The following BACH2 variants were observed in gnomAD, a reference collection of about 807,000 sequenced individuals.
BACH2 encodes BACH transcriptional regulator 2.
Under a neutral mutation model 61.8 loss-of-function variants are expected in BACH2, and 5 were observed. The observed-to-expected ratio is 0.08, with a 90% CI of 0.04 to 0.17. The LOEUF (loss-of-function observed/expected upper bound fraction) is 0.17. Ranked by LOEUF, BACH2 falls within the 10% of genes least tolerant of loss-of-function variation. The pLI is 1.00. For synonymous variants in BACH2, 446 were observed against 440.1 expected (o/e 1.01, Z -0.17); for missense variants, 824 against 1,091.1 (o/e 0.76, Z 3.45).
chr6:90,193,080 C>T (rs1447050197), intron 4 of BACH2, among the ~76,000 whole-genome samples: 2 of 152,228 alleles, frequency 1.3e-5, no homozygotes, highest in African/African-American at 4.8e-5. Context: ...AGCCACGTGA[C>T]TAGTGCTCAA....
chr6:90,091,856 C>T (rs1782173433), intron 4 of BACH2, among the ~76,000 whole-genome samples: 1 of 152,028 alleles, frequency 6.6e-6, no homozygotes, highest in Non-Finnish European at 1.5e-5. Flanking sequence ...GAGAAGTGGA[C>T]CATTTCCTTC....
chr6:90,051,566 A>C (rs1178138149), intron 5 of BACH2, among the ~76,000 whole-genome samples: 1 of 152,196 alleles, frequency 6.6e-6, no homozygotes, highest in Non-Finnish European at 1.5e-5. Flanking sequence ...TTTACAAAAA[A>C]AGTTTACCAA....
intron 3 of BACH2, among the ~76,000 whole-genome samples, chr6:90,213,687 T>C (rs1463493304): frequency 6.6e-6 from 1 of 152,198 alleles, no homozygotes; most frequent in African/African-American, 2.4e-5. Context: ...AGGATTGTTT[T>C]GAGCATTTCA....
At chr6:90,279,876 GA>G (rs1281193240) in intron 1 of BACH2, among the ~76,000 whole-genome samples, 1 of 152,152 alleles carries the variant, frequency 6.6e-6, no homozygotes, top group Non-Finnish European at 1.5e-5. Context: ...ACATAAAGGG[GA>G]AAAGATTAAA....
At position 89,947,562 on chromosome 6, in the gene BACH2, TTTTC is replaced by T. The variant is rs1404719988; in HGVS notation, c.1836+2704_1836+2707del. 6.1e-4 allele frequency among the ~76,000 whole-genome samples: 93 copies of T among 151,946 alleles called. 1 individual carries two copies. The highest frequency in any genetic ancestry group is 4.3e-3 in the Admixed American group (66 of 15,280). ...CTGTTCAGGAATGCAGAAGATGGAT[TTTTC>T]TTTCTTTTTTTTTTTTTGAGACAGA... On this transcript the variant is annotated intron_variant, in intron 7 of 8. Coordinates refer to ENST00000257749, the MANE Select transcript of BACH2 (RefSeq NM_021813.4).
At chr6:90,225,245 G>A (rs1394358553) in intron 3 of BACH2, among the ~76,000 whole-genome samples, 4 of 152,130 alleles carry the variant, frequency 2.6e-5, no homozygotes, top group Non-Finnish European at 5.9e-5. Context: ...GCTGGGCATG[G>A]TGGTGCATGC....
intron 4 of BACH2, among the ~76,000 whole-genome samples, chr6:90,195,138 T>C (rs953310027): frequency 6.6e-6 from 1 of 152,172 alleles, no homozygotes; most frequent in South Asian, 2.1e-4. Context: ...TCTGCAGCTA[T>C]GGATTTTATG....
chr6:89,999,614 AG>A (rs1777028880), intron 6 of BACH2, among the ~76,000 whole-genome samples: 1 of 152,194 alleles, frequency 6.6e-6, no homozygotes, highest in African/African-American at 2.4e-5. Flanking sequence ...ACAAAATAAT[AG>A]TTATGATGAC....
chr6:89,976,592 T>C (rs1775665856), intron 6 of BACH2, among the ~76,000 whole-genome samples: 2 of 152,200 alleles, frequency 1.3e-5, no homozygotes, highest in African/African-American at 4.8e-5. Context: ...TTAGAAACGG[T>C]TTGAATGACT....
At chr6:90,014,460 ATATATATATTTTTTT>A (rs1161145024) in intron 5 of BACH2, among the ~76,000 whole-genome samples, 4,410 of 71,084 alleles carry the variant, frequency 0.062, 87 homozygotes, top group East Asian at 0.085. Flanking sequence ...ATATATATAT[ATATATATATTTTTTT>A]TTTTTTTTTT....
intron 6 of BACH2, among the ~76,000 whole-genome samples, chr6:89,992,468 C>T (rs922061861): frequency 6.6e-5 from 10 of 152,124 alleles, no homozygotes; most frequent in African/African-American, 9.7e-5. Context: ...TGGAAAAACC[C>T]CATCTCTATT....
chr6:90,108,763 C>T (rs1014619991), intron 4 of BACH2, among the ~76,000 whole-genome samples: 9 of 152,338 alleles, frequency 5.9e-5, no homozygotes, highest in Non-Finnish European at 8.8e-5. Flanking sequence ...ACAGAATCTA[C>T]GCCCTTCTTG....
intron 5 of BACH2, among the ~76,000 whole-genome samples, chr6:90,019,059 T>G (rs563544052): frequency 6.6e-6 from 1 of 152,324 alleles, no homozygotes; most frequent in East Asian, 1.9e-4. Flanking sequence ...TTCAAATTAT[T>G]ATTCTTTCTC....
At chr6:90,016,754 G>A (rs1007676348) in intron 5 of BACH2, among the ~76,000 whole-genome samples, 6 of 151,732 alleles carry the variant, frequency 4.0e-5, no homozygotes, top group Non-Finnish European at 7.4e-5. Context: ...AAAGCCTGCT[G>A]CCTTCATTTT....
chr6:89,945,078 T>C (rs1281796834), intron 7 of BACH2, among the ~76,000 whole-genome samples: 3 of 152,150 alleles, frequency 2.0e-5, no homozygotes, highest in Admixed American at 1.3e-4. Context: ...TGGTGGGAAT[T>C]TGAAATGGTA....
intron 8 of BACH2, among the ~76,000 whole-genome samples, chr6:89,936,657 G>A (rs1773042686): frequency 6.6e-6 from 1 of 152,142 alleles, no homozygotes; most frequent in Admixed American, 6.5e-5. Context: ...TGTTGGTGAT[G>A]GGAGCTGCTA....
intron 4 of BACH2, among the ~76,000 whole-genome samples, chr6:90,200,500 C>A (rs1308719971): frequency 6.6e-6 from 1 of 152,094 alleles, no homozygotes; most frequent in African/African-American, 2.4e-5. Flanking sequence ...ATATGCCAAG[C>A]AGAATGACCC....
intron 2 of BACH2, among the ~76,000 whole-genome samples, chr6:90,270,801 G>A (rs1771494592): frequency 6.6e-6 from 1 of 152,114 alleles, no homozygotes; most frequent in Admixed American, 6.6e-5. Context: ...AAATCTGGAG[G>A]CATCACATTG....
chr6:90,222,466 A>G (rs1346308096), intron 3 of BACH2, among the ~76,000 whole-genome samples: 2 of 152,218 alleles, frequency 1.3e-5, no homozygotes, highest in African/African-American at 2.4e-5. Flanking sequence ...AAACTTTAGA[A>G]GACTGTATGT....
Sources: allele counts gnomAD v4.1 joint callset (sites outside exome capture counted in the v4.1 genomes callset), GRCh38; gene constraint gnomAD v4.1.1; transcripts MANE v1.5; gene names NCBI Gene and HGNC (gene_info 2026-07-23, HGNC 2026-07-21).